Variants in PHYHIP observed in about 807,000 individuals in gnomAD.
The protein encoded by PHYHIP is phytanoyl-CoA hydroxylase-interacting protein.
A neutral mutation model predicts 26.1 loss-of-function variants in PHYHIP; 7 were observed. The ratio of observed to expected loss-of-function variants is 0.27; its 90% CI spans 0.15 to 0.50. The LOEUF (loss-of-function observed/expected upper bound fraction) is 0.50. Ranked by LOEUF, PHYHIP falls within the 20% of genes least tolerant of loss-of-function variation. The probability of loss-of-function intolerance (pLI) is 0.98; values close to 1 mark genes in which losing one functional copy is unlikely to be tolerated. For missense variants in PHYHIP, 232 were observed against 454.7 expected (o/e 0.51, Z 4.45); for synonymous variants, 206 against 183.4 (o/e 1.12, Z -1.00).
chr8:22,227,212 C>T (rs1265401767), intron 2 of PHYHIP, among the ~76,000 whole-genome samples, 187 bp from the exon 3 acceptor site: 1 of 152,350 alleles, frequency 6.6e-6, no homozygotes, highest in South Asian at 2.1e-4. Flanking sequence ...CACTCCACAG[C>T]CTTGGCCCCT....
rs1234394282 is a variant in PHYHIP, at chr8:22,221,763, G to T, written c.583C>A (p.Pro195Thr). ...SCNTEFNTGQ[P>T]PQDSPYGRWR... ...CGGCCGTAGGGGGAGTCCTGCGGGGGCTGGCCCGTGTTGAACTCCGTGTTG... is the reference window on the plus strand; with the variant it reads ...CGGCCGTAGGGGGAGTCCTGCGGGGTCTGGCCCGTGTTGAACTCCGTGTTG... The change falls in exon 5 of 5, where the codon CCC (proline) becomes ACC (threonine). Residue 195 changes from proline to threonine, a missense_variant. Transcript: ENST00000454243. This position sits in a 1 kb window ranked among gnomAD's most constrained non-coding sequence, Gnocchi z 7.9. 1 of 1,612,754 alleles carries T rather than the reference G, an allele frequency of 6.2e-7. No individual in the cohort carries two copies. Among genetic ancestry groups the T allele is most frequent in the East Asian group, 2.2e-5 (1 of 44,852 alleles).
chr8:22,223,718 C>T lies in PHYHIP; in HGVS notation c.458+508G>A, dbSNP rs191399321. On this transcript the variant is annotated intron_variant, in intron 4 of 4. Coordinates refer to ENST00000454243, the MANE Select transcript of PHYHIP (RefSeq NM_014759.5). ...CTCTGACTGGAGGTCAGGTGTGGGGCCCACCAAGCCTCAACCTCTGGTCCC... is the reference window on the plus strand; with the variant it reads ...CTCTGACTGGAGGTCAGGTGTGGGGTCCACCAAGCCTCAACCTCTGGTCCC... 26 of 153,182 alleles carry T rather than the reference C, an allele frequency of 1.7e-4. 1 individual carries two copies. Among genetic ancestry groups the T allele is most frequent in the Middle Eastern group, 3.4e-3 (1 of 294 alleles). The allele number at this position is 153,182 out of a possible 1,614,324, so 9.5% of individuals were successfully genotyped here.
At chr8:22,225,354 G>A (rs746118695) in intron 3 of PHYHIP, among the ~76,000 whole-genome samples, 27 of 152,154 alleles carry the variant, frequency 1.8e-4, no homozygotes, top group Non-Finnish European at 3.7e-4. Flanking sequence ...GCATGTGCCT[G>A]TAGTTCCAGC....
intron 3 of PHYHIP, 142 bp downstream of exon 3, chr8:22,226,709 T>A: frequency 2.8e-6 from 2 of 719,884 alleles, no homozygotes; most frequent in Non-Finnish European, 4.3e-6. Context: ...TGCCCGTGCA[T>A]CTCCCCTGTG....
Position 22,226,899 on chromosome 8 carries a change from C to G in PHYHIP, c.292G>C (p.Glu98Gln). ...TCGCTCCAGCCGGACACCAGGTACT[C>G]CCCATCGCTCTGCTTCACTGCCGTC... ...VQTAVKQSDGEYLVSGWSETV... is the reference protein window; with the variant it reads ...VQTAVKQSDGQYLVSGWSETV... The change falls in exon 3 of 5, where the codon GAG becomes CAG. Residue 98 changes from glutamate to glutamine, a missense_variant. Glu to Gln is a conservative substitution (Grantham distance 29). Transcript: ENST00000454243. 6.2e-7 allele frequency: 1 copy of G among 1,614,118 alleles called. No individual in the cohort carries two copies. Among genetic ancestry groups the G allele is most frequent in the South Asian group, 1.1e-5 (1 of 91,062 alleles).
At chr8:22,230,265 G>A (rs1177133402) in intron 1 of PHYHIP, among the ~76,000 whole-genome samples, 7 of 151,682 alleles carry the variant, frequency 4.6e-5, no homozygotes, top group Admixed American at 2.0e-4. Context: ...GGCCCTGAGC[G>A]GCACCCACCC....
At chr8:22,226,253 G>T (rs1168635884) in intron 3 of PHYHIP, among the ~76,000 whole-genome samples, 2 of 152,080 alleles carry the variant, frequency 1.3e-5, no homozygotes, top group African/African-American at 2.4e-5. Flanking sequence ...ATACTATCCA[G>T]TTTCAAAAAG....
At chr8:22,224,480 C>T (rs1829702122) in intron 3 of PHYHIP, 137 bp from the exon 4 acceptor site, 1 of 628,644 alleles carries the variant, frequency 1.6e-6, no homozygotes, top group Non-Finnish European at 2.9e-6. Context: ...TAGACAGTCG[C>T]AGAACCTTAA....
In PHYHIP at chr8:22,231,005, G is replaced by A. The variant is rs117998480; in HGVS notation, c.-30+791C>T. On this transcript the variant is annotated intron_variant, in intron 1 of 4. Coordinates refer to ENST00000454243, the MANE Select transcript of PHYHIP (RefSeq NM_014759.5). ...TTCATACACACAGCAGCCCCCGCCCGAAGTCTGGTATTCTCTCTCGAATCA... is the reference window on the plus strand; with the variant it reads ...TTCATACACACAGCAGCCCCCGCCCAAAGTCTGGTATTCTCTCTCGAATCA... 1.3e-3 allele frequency among the ~76,000 whole-genome samples: 202 copies of A among 152,314 alleles called. 4 individuals carry two copies. The East Asian group carries it at 0.02, about 15-fold the overall frequency.
chr8:22,230,141 G>A (rs1222745652), intron 1 of PHYHIP, among the ~76,000 whole-genome samples: 1 of 152,088 alleles, frequency 6.6e-6, no homozygotes, highest in Admixed American at 6.5e-5. Flanking sequence ...TGGAGCAGTG[G>A]GGAGTTACCA....
At chr8:22,224,113 G>A (rs1049558110) in intron 4 of PHYHIP, 113 bp downstream of exon 4, 7 of 717,098 alleles carry the variant, frequency 9.8e-6, no homozygotes, top group African/African-American at 8.6e-5. Context: ...AACCCTAGAG[G>A]AGGGACTGGC....
intron 3 of PHYHIP, 119 bp from the exon 4 acceptor site, chr8:22,224,462 G>C: frequency 4.5e-6 from 3 of 671,538 alleles, no homozygotes; most frequent in Non-Finnish European, 8.1e-6. Flanking sequence ...CAGAGCAGCA[G>C]GGGAGACTAG....
intron 3 of PHYHIP, among the ~76,000 whole-genome samples, chr8:22,225,250 G>A (rs1356822185): frequency 6.6e-6 from 1 of 152,110 alleles, no homozygotes; most frequent in Non-Finnish European, 1.5e-5. Flanking sequence ...CAGCACTTTG[G>A]GATCACTTGA....
At chr8:22,224,130 G>A (rs968363967) in intron 4 of PHYHIP, 96 bp downstream of exon 4, 19 of 759,992 alleles carry the variant, frequency 2.5e-5, no homozygotes, top group African/African-American at 6.8e-5. Context: ...TGGCAGCCAC[G>A]AGGGTGGGGG....
intron 1 of PHYHIP, chr8:22,228,609 G>A (rs1829801628): frequency 2.5e-6 from 1 of 394,778 alleles, no homozygotes. Flanking sequence ...GGAGGGGTCT[G>A]CAGAGCAGAC....
At chr8:22,227,062 A>G in intron 2 of PHYHIP, 37 bp from the exon 3 acceptor site, 3 of 1,572,352 alleles carry the variant, frequency 1.9e-6, no homozygotes, top group Non-Finnish European at 1.7e-6. Flanking sequence ...CCAGGCGTCA[A>G]ACAGGGGTTC....
intron 4 of PHYHIP, among the ~76,000 whole-genome samples, chr8:22,222,164 A>G (rs1206152057): frequency 6.6e-6 from 1 of 151,870 alleles, no homozygotes; most frequent in Non-Finnish European, 1.5e-5. Flanking sequence ...TGTGAAAAAC[A>G]CGGCGGCTCA....
intron 1 of PHYHIP, 87 bp downstream of exon 1, chr8:22,231,708 AC>A (rs1829872040): frequency 1.3e-5 from 2 of 152,248 alleles, no homozygotes; most frequent in East Asian, 3.9e-4. Flanking sequence ...CCAGGTGGGC[AC>A]CCTGGGTGGT....
chr8:22,223,738 G>T (rs543167742), intron 4 of PHYHIP: 12 of 153,250 alleles, frequency 7.8e-5, no homozygotes, highest in Non-Finnish European at 1.3e-4. Context: ...CTCAACCTCT[G>T]GTCCCCCCAA....
Sources: gnomAD v4.1 joint callset for allele counts (sites outside exome capture counted in the v4.1 genomes callset) on GRCh38, gnomAD v4.1.1 for gene constraint, Gnocchi (gnomAD v3.1) non-coding constraint, MANE v1.5 for transcripts, NCBI Gene and HGNC (gene_info 2026-07-23, HGNC 2026-07-21) for gene names.